Variants in LRRC4C observed in about 807,000 individuals in gnomAD.
LRRC4C encodes leucine-rich repeat-containing protein 4C.
A neutral mutation model predicts 33.6 loss-of-function variants in LRRC4C; 5 were observed. The ratio of observed to expected loss-of-function variants is 0.15; its 90% CI spans 0.08 to 0.31. LRRC4C has a LOEUF of 0.31. Ranked by LOEUF, LRRC4C falls within the 10% of genes least tolerant of loss-of-function variation. The pLI is 1.00. For synonymous variants in LRRC4C, 329 were observed against 302.0 expected, an observed-to-expected ratio of 1.09 and a Z score of -0.93; for missense variants, 560 against 796.7, an observed-to-expected ratio of 0.70 and a Z score of 3.58.
intron 1 of LRRC4C, among the ~76,000 whole-genome samples, chr11:41,147,312 T>C (rs1943770237): frequency 6.6e-6 from 1 of 152,232 alleles, no homozygotes. Flanking sequence ...ATTCATCTGC[T>C]ATTCCTGTTC....
chr11:40,168,729 A>G (rs1318086827), intron 5 of LRRC4C, among the ~76,000 whole-genome samples: 2 of 152,224 alleles, frequency 1.3e-5, no homozygotes, highest in East Asian at 1.9e-4. Flanking sequence ...AAGGCTCCAC[A>G]CCAGCTGAGA....
At chr11:40,194,259 C>T (rs1017383786) in intron 5 of LRRC4C, among the ~76,000 whole-genome samples, 17 of 152,322 alleles carry the variant, frequency 1.1e-4, no homozygotes, top group Admixed American at 5.2e-4. Flanking sequence ...GCAGATCTCT[C>T]TGCAGAAACC....
chr11:40,423,502 G>T (rs898790397), intron 3 of LRRC4C, among the ~76,000 whole-genome samples: 2 of 151,718 alleles, frequency 1.3e-5, no homozygotes, highest in South Asian at 4.2e-4. Flanking sequence ...CCGCTACCAC[G>T]CCCGGCTAAT....
intron 1 of LRRC4C, among the ~76,000 whole-genome samples, chr11:41,126,751 C>A (rs1436263464): frequency 6.6e-6 from 1 of 151,736 alleles, no homozygotes; most frequent in East Asian, 2.0e-4. Flanking sequence ...GGTGAAGAAG[C>A]CAGAGATGAA....
intron 1 of LRRC4C, among the ~76,000 whole-genome samples, chr11:41,132,413 G>T (rs1315270112): frequency 6.6e-6 from 1 of 152,072 alleles, no homozygotes; most frequent in African/African-American, 2.4e-5. Flanking sequence ...TTAAATAGAA[G>T]TTGCAGAAAC....
At chr11:40,506,982 G>C (rs1168149315) in intron 3 of LRRC4C, among the ~76,000 whole-genome samples, 1 of 151,998 alleles carries the variant, frequency 6.6e-6, no homozygotes, top group East Asian at 1.9e-4. Context: ...AGTCTACTAA[G>C]TATATATTCT....
At chr11:41,002,985 TTA>T (rs1478883725) in intron 1 of LRRC4C, among the ~76,000 whole-genome samples, 1 of 152,158 alleles carries the variant, frequency 6.6e-6, no homozygotes, top group Non-Finnish European at 1.5e-5. Flanking sequence ...TGTGTAATAT[TTA>T]TGTTACATTA....
intron 1 of LRRC4C, among the ~76,000 whole-genome samples, chr11:41,093,037 C>T (rs145014281): frequency 2.0e-5 from 3 of 152,248 alleles, no homozygotes; most frequent in African/African-American, 4.8e-5. Flanking sequence ...ACAGTAGTAA[C>T]GGTATTATGT....
At chr11:40,416,795 T>C (rs1950339179) in intron 3 of LRRC4C, among the ~76,000 whole-genome samples, 1 of 152,214 alleles carries the variant, frequency 6.6e-6, no homozygotes, top group Non-Finnish European at 1.5e-5. Context: ...AATGGACCAC[T>C]TTTTCTGAAC....
chr11:40,509,881 T>C (rs1175800246), intron 3 of LRRC4C, among the ~76,000 whole-genome samples: 1 of 152,156 alleles, frequency 6.6e-6, no homozygotes, highest in Non-Finnish European at 1.5e-5. Flanking sequence ...AAAATAATCA[T>C]GGCAGGTTGC....
chr11:41,401,293 A>G (rs565204074), intron 1 of LRRC4C, among the ~76,000 whole-genome samples: 42 of 152,084 alleles, frequency 2.8e-4, no homozygotes, highest in South Asian at 1.7e-3. Context: ...TCAAGTGCTC[A>G]TTAGTCAAAA....
intron 3 of LRRC4C, among the ~76,000 whole-genome samples, chr11:40,399,002 G>A (rs1399822727): frequency 1.3e-5 from 2 of 152,010 alleles, no homozygotes; most frequent in African/African-American, 2.4e-5. Context: ...GTGAACAAAG[G>A]TTTTGTTCTT....
intron 1 of LRRC4C, among the ~76,000 whole-genome samples, chr11:41,272,685 C>T (rs942588449): frequency 1.3e-5 from 2 of 152,070 alleles, no homozygotes; most frequent in Non-Finnish European, 2.9e-5. Flanking sequence ...TGAAGCTTGT[C>T]GCTTGAGAAA....
intron 3 of LRRC4C, among the ~76,000 whole-genome samples, chr11:40,495,849 T>TGA (rs1198281800): frequency 4.1e-4 from 44 of 107,810 alleles, no homozygotes; most frequent in African/African-American, 1.3e-3. Context: ...TTTTTTTTTT[T>TGA]GAGAGAGTCT....
At chr11:41,141,769 T>G (rs1174860408) in intron 1 of LRRC4C, among the ~76,000 whole-genome samples, 1 of 152,084 alleles carries the variant, frequency 6.6e-6, no homozygotes, top group Non-Finnish European at 1.5e-5. Flanking sequence ...GAAATGTGAG[T>G]CAATTGAAAC....
intron 3 of LRRC4C, among the ~76,000 whole-genome samples, chr11:40,420,456 T>A (rs1950483069): frequency 6.6e-6 from 1 of 152,168 alleles, no homozygotes; most frequent in Non-Finnish European, 1.5e-5. Flanking sequence ...AGGCCAGACT[T>A]ACATCCTTGT....
intron 6 of LRRC4C, among the ~76,000 whole-genome samples, chr11:40,120,450 A>G (rs969058308): frequency 2.0e-5 from 3 of 152,212 alleles, no homozygotes; most frequent in African/African-American, 7.2e-5. Flanking sequence ...TCGAAAATTT[A>G]TCATTTGAGT....
chr11:40,914,981 C>T (rs1056392176), intron 2 of LRRC4C, among the ~76,000 whole-genome samples: 1 of 152,176 alleles, frequency 6.6e-6, no homozygotes, highest in Admixed American at 6.5e-5. Context: ...AGGAATCCAA[C>T]TTACAGGGGA....
intron 3 of LRRC4C, among the ~76,000 whole-genome samples, chr11:40,592,066 A>C (rs909518842): frequency 1.3e-5 from 2 of 152,220 alleles, no homozygotes; most frequent in Non-Finnish European, 2.9e-5. Flanking sequence ...ATTGTGCCTC[A>C]GTTTGCTTTT....
Sources: allele counts gnomAD v4.1 joint callset (sites outside exome capture counted in the v4.1 genomes callset), GRCh38; gene constraint gnomAD v4.1.1; transcripts MANE v1.5; gene names NCBI Gene and HGNC (gene_info 2026-07-23, HGNC 2026-07-21).